The following GPC6 variants were observed in gnomAD, a reference collection of about 807,000 sequenced individuals.
GPC6 encodes glypican-6.
GPC6 carries 14 observed loss-of-function variants against 55.2 expected under a neutral mutation model. The observed-to-expected ratio is 0.25, with a 90% CI of 0.17 to 0.40. The LOEUF is 0.40. Among genes scored for constraint, GPC6 ranks in the 10% least tolerant of loss-of-function variants. The pLI, the probability that GPC6 is intolerant of heterozygous loss-of-function variation, is 1.00. For synonymous variants in GPC6, 278 were observed against 259.6 expected (o/e 1.07, Z -0.68); for missense variants, 641 against 708.5 (o/e 0.90, Z 1.08).
At position 94,120,442 on chromosome 13, in the gene GPC6, G is replaced by A. The variant is rs139993625; in HGVS notation, c.877+92548G>A. Reference sequence around the variant, plus strand: ...TTAATTCCTCTATTCTTAAAGGCCAGGTTTCTTCCGGTTAATGTTTCTGAA... The same window carrying A: ...TTAATTCCTCTATTCTTAAAGGCCAAGTTTCTTCCGGTTAATGTTTCTGAA... On this transcript the variant is annotated intron_variant, in intron 4 of 8. Transcript: ENST00000377047. 3.8e-3 allele frequency among the ~76,000 whole-genome samples: 582 copies of A among 152,124 alleles called. 3 individuals carry two copies. Among genetic ancestry groups the A allele is most frequent in the African/African-American group, 0.013 (547 of 41,518 alleles).
chr13:93,307,548 G>C (rs1878899002), intron 1 of GPC6, among the ~76,000 whole-genome samples: 1 of 151,948 alleles, frequency 6.6e-6, no homozygotes, highest in South Asian at 2.1e-4. Flanking sequence ...CCTATGTATG[G>C]AAAGAGCATA....
chr13:93,896,405 A>C lies in GPC6; in HGVS notation c.711+65860A>C, dbSNP rs150748788. ...GTAAAACATAAGACACCACATTTTT[A>C]ACCTCCAAAATTCTTTTAGATTCAG... On this transcript the variant is annotated intron_variant, in intron 3 of 8. Transcript: ENST00000377047. Among the ~76,000 whole-genome samples the C allele has an allele frequency of 7.8e-3, 1,193 of 152,188 alleles. 15 individuals are homozygous for C. The highest frequency in any genetic ancestry group is 0.026 in the African/African-American group (1,090 of 41,578).
chr13:94,201,977 C>T (rs960113797), intron 4 of GPC6, among the ~76,000 whole-genome samples: 1 of 152,058 alleles, frequency 6.6e-6, no homozygotes, highest in African/African-American at 2.4e-5. Flanking sequence ...GCCTACATGG[C>T]AAATGCTAAA....
chr13:93,579,525 G>A (rs1320352342), intron 2 of GPC6, among the ~76,000 whole-genome samples: 1 of 152,082 alleles, frequency 6.6e-6, no homozygotes, highest in Non-Finnish European at 1.5e-5. Flanking sequence ...GAAATTATGT[G>A]TGTGAACTAT....
intron 2 of GPC6, among the ~76,000 whole-genome samples, chr13:93,829,377 G>A (rs1030695500): frequency 1.3e-5 from 2 of 152,036 alleles, no homozygotes; most frequent in African/African-American, 4.8e-5. Context: ...ATCCTATAAG[G>A]GATCCCAGTA....
chr13:93,914,651 A>G (rs1425544528), intron 3 of GPC6, among the ~76,000 whole-genome samples: 2 of 152,248 alleles, frequency 1.3e-5, no homozygotes, highest in African/African-American at 4.8e-5. Flanking sequence ...TCTGCTAATT[A>G]GGAGCAGGCC....
At chr13:93,578,483 A>G (rs1425159824) in intron 2 of GPC6, among the ~76,000 whole-genome samples, 3 of 151,842 alleles carry the variant, frequency 2.0e-5, no homozygotes, top group Middle Eastern at 3.2e-3. Context: ...TTGTTGGCAT[A>G]TATTGTTCAT....
intron 7 of GPC6, among the ~76,000 whole-genome samples, chr13:94,391,273 T>G (rs994194206): frequency 1.3e-5 from 2 of 152,228 alleles, no homozygotes; most frequent in Non-Finnish European, 2.9e-5. Flanking sequence ...GTTTGGCAAT[T>G]TGGGGAGCCA....
chr13:93,874,102 A>G (rs778915322), intron 3 of GPC6, among the ~76,000 whole-genome samples: 11 of 151,942 alleles, frequency 7.2e-5, no homozygotes, highest in African/African-American at 2.4e-4. Context: ...GGTTAGCTAT[A>G]TAAGGTAAAC....
intron 1 of GPC6, among the ~76,000 whole-genome samples, chr13:93,329,808 T>G (rs1458528493): frequency 6.6e-6 from 1 of 151,838 alleles, no homozygotes; most frequent in East Asian, 1.9e-4. Context: ...CCCATTACCT[T>G]AAGCCCAACA....
intron 2 of GPC6, among the ~76,000 whole-genome samples, chr13:93,817,645 G>A (rs976650380): frequency 6.6e-6 from 1 of 152,072 alleles, no homozygotes; most frequent in Non-Finnish European, 1.5e-5. Flanking sequence ...GATGGCTTGA[G>A]CTCAGGAGTT....
chr13:93,256,695 C>G (rs1009270897), intron 1 of GPC6, among the ~76,000 whole-genome samples: 3 of 152,156 alleles, frequency 2.0e-5, no homozygotes, highest in African/African-American at 2.4e-5. Context: ...ATGAAAAATA[C>G]TCTGTATACT....
chr13:94,271,380 GC>G, intron 4 of GPC6, among the ~76,000 whole-genome samples: 1 of 112,602 alleles, frequency 8.9e-6, no homozygotes, highest in South Asian at 2.9e-4. Flanking sequence ...GCGCGCGCGC[GC>G]GCACACACAC....
In GPC6 at chr13:94,137,564, T is replaced by G. The variant is rs1308587464; in HGVS notation, c.877+109670T>G. On this transcript the variant is annotated intron_variant, in intron 4 of 8. Transcript: ENST00000377047. ...CAGAGACAAGGGAAGATGCTTATTTTTTGTTGTTGTTGTTGTTAACAATTA... is the reference window on the plus strand; with the variant it reads ...CAGAGACAAGGGAAGATGCTTATTTGTTGTTGTTGTTGTTGTTAACAATTA... 3.3e-5 allele frequency among the ~76,000 whole-genome samples: 5 copies of G among 152,312 alleles called. No individual in the cohort carries two copies. In the South Asian group the frequency reaches 6.2e-4, roughly 19 times the overall value.
intron 1 of GPC6, among the ~76,000 whole-genome samples, chr13:93,497,060 A>G (rs1481448236): frequency 6.6e-6 from 1 of 152,210 alleles, no homozygotes; most frequent in African/African-American, 2.4e-5. Context: ...TGAGATGATG[A>G]CACTGATGCC....
intron 3 of GPC6, among the ~76,000 whole-genome samples, chr13:93,979,565 G>T (rs560983240): frequency 6.6e-6 from 1 of 152,066 alleles, no homozygotes; most frequent in Non-Finnish European, 1.5e-5. Flanking sequence ...GACAAATTAA[G>T]TACAGAAATT....
At chr13:94,310,281 T>A (rs890928763) in intron 6 of GPC6, among the ~76,000 whole-genome samples, 3 of 151,702 alleles carry the variant, frequency 2.0e-5, no homozygotes, top group East Asian at 1.9e-4. Context: ...AAAGTAAATT[T>A]AAAAAAAAAG....
intron 4 of GPC6, among the ~76,000 whole-genome samples, chr13:94,255,043 A>C (rs545767273): frequency 6.6e-6 from 1 of 152,282 alleles, no homozygotes; most frequent in East Asian, 1.9e-4. Context: ...TTCCTATTCC[A>C]CTTGAAAATT....
chr13:94,332,367 A>G (rs1877469857), intron 6 of GPC6, among the ~76,000 whole-genome samples: 1 of 152,218 alleles, frequency 6.6e-6, no homozygotes, highest in Non-Finnish European at 1.5e-5. Flanking sequence ...ATAAATTGTG[A>G]AAGTTCCAAG....
Sources: gnomAD v4.1 joint callset for allele counts (sites outside exome capture counted in the v4.1 genomes callset) on GRCh38, gnomAD v4.1.1 for gene constraint, MANE v1.5 for transcripts, NCBI Gene and HGNC (gene_info 2026-07-23, HGNC 2026-07-21) for gene names.